ASCC3: variants seen among roughly 807,000 people sequenced by gnomAD.
ASCC3 encodes activating signal cointegrator 1 complex subunit 3.
Under a neutral mutation model 256.3 loss-of-function variants are expected in ASCC3, and 158 were observed. That is an observed-to-expected ratio of 0.62 (90% CI 0.54 to 0.70). The LOEUF (loss-of-function observed/expected upper bound fraction) is 0.70. Among genes scored for constraint, ASCC3 ranks in the 30% least tolerant of loss-of-function variants. The pLI is 0.00. For synonymous variants in ASCC3, 948 were observed against 883.4 expected (o/e 1.07, Z -1.30); for missense variants, 2,259 against 2,626.0 (o/e 0.86, Z 3.05).
At chr6:100,527,270 C>T (rs1003560454) in intron 37 of ASCC3, among the ~76,000 whole-genome samples, 2 of 152,126 alleles carry the variant, frequency 1.3e-5, no homozygotes, top group African/African-American at 2.4e-5. Context: ...TTAGAAGAAG[C>T]TTTCTGAAGC....
At chr6:100,764,485 G>A (rs2115124876) in intron 10 of ASCC3, among the ~76,000 whole-genome samples, 1 of 152,282 alleles carries the variant, frequency 6.6e-6, no homozygotes, top group African/African-American at 2.4e-5. Flanking sequence ...ATATTGAGAA[G>A]CATCTGGGAG....
intron 22 of ASCC3, among the ~76,000 whole-genome samples, chr6:100,646,364 C>T (rs1232425041): frequency 2.0e-5 from 3 of 152,038 alleles, no homozygotes; most frequent in Non-Finnish European, 2.9e-5. Context: ...GGCTGGAGTG[C>T]AGTGGCACAG....
intron 12 of ASCC3, among the ~76,000 whole-genome samples, chr6:100,717,048 G>T (rs1779118367): frequency 6.6e-6 from 1 of 151,832 alleles, no homozygotes; most frequent in African/African-American, 2.4e-5. Flanking sequence ...AGCAGCACTT[G>T]AAACAATTAT....
Position 100,625,300 on chromosome 6 carries a change from C to CA in ASCC3, c.4676dup (p.Leu1559PhefsTer24). 6.2e-7 allele frequency: 1 copy of CA among 1,612,806 alleles called. No individual in the cohort carries two copies. Among genetic ancestry groups the CA allele is most frequent in the South Asian group, 1.1e-5 (1 of 91,044 alleles). ...TTTGACGTCTTGATGAGACAAATAT[C>CA]AAAACAGGTTTGGCTGGAGAATGGC... is the stretch of plus-strand genomic sequence containing the variant. On this transcript the variant is annotated frameshift_variant, in exon 30 of 42. Transcript: ENST00000369162.
intron 13 of ASCC3, among the ~76,000 whole-genome samples, chr6:100,683,350 T>G (rs1777398013): frequency 6.6e-6 from 1 of 152,180 alleles, no homozygotes; most frequent in Non-Finnish European, 1.5e-5. Flanking sequence ...TCAGTCTTAC[T>G]TGTCAACTTT....
chr6:100,686,910 T>C (rs1039747213), intron 13 of ASCC3, among the ~76,000 whole-genome samples: 1 of 152,126 alleles, frequency 6.6e-6, no homozygotes, highest in Non-Finnish European at 1.5e-5. Context: ...TTGCTCCTTT[T>C]TCTGTATTGT....
intron 2 of ASCC3, among the ~76,000 whole-genome samples, chr6:100,866,442 C>T (rs957519015): frequency 1.3e-5 from 2 of 152,208 alleles, no homozygotes; most frequent in African/African-American, 4.8e-5. Context: ...TCATTCATCA[C>T]AGTAGTGAAA....
intron 13 of ASCC3, among the ~76,000 whole-genome samples, chr6:100,710,134 G>T (rs925492595): frequency 6.6e-6 from 1 of 152,130 alleles, no homozygotes; most frequent in Non-Finnish European, 1.5e-5. Context: ...AGATCCAAAA[G>T]TTTGTTAGTA....
At chr6:100,855,032 A>T (rs1428826225) in intron 3 of ASCC3, among the ~76,000 whole-genome samples, 1 of 152,204 alleles carries the variant, frequency 6.6e-6, no homozygotes, top group East Asian at 1.9e-4. Flanking sequence ...TGCAGTTTTA[A>T]ATTTTCTTAT....
At chr6:100,618,275 C>T (rs778315071) in intron 30 of ASCC3, among the ~76,000 whole-genome samples, 1 of 152,170 alleles carries the variant, frequency 6.6e-6, no homozygotes, top group Non-Finnish European at 1.5e-5. Flanking sequence ...TGATGATTCA[C>T]ATTTTGCCCT....
At position 100,590,260 on chromosome 6, in the gene ASCC3, T is replaced by G. The variant is rs1044451707; in HGVS notation, c.5304-201A>C. Among the ~76,000 whole-genome samples the G allele has an allele frequency of 2.6e-5, 4 of 152,212 alleles. No homozygotes were observed. In the East Asian group the frequency reaches 7.7e-4, roughly 29 times the overall value. Reference sequence around the variant, plus strand: ...GCAATTCAGTCAATTATTGTTCCCCTAGTGCTTACAGAATAAATGTCATCC... The same window carrying G: ...GCAATTCAGTCAATTATTGTTCCCCGAGTGCTTACAGAATAAATGTCATCC... On this transcript the variant is annotated intron_variant, in intron 34 of 41. Transcript: ENST00000369162.
intron 30 of ASCC3, among the ~76,000 whole-genome samples, chr6:100,611,031 A>G (rs1773366906): frequency 6.6e-6 from 1 of 152,140 alleles, no homozygotes; most frequent in African/African-American, 2.4e-5. Context: ...AATCATACCC[A>G]AAGAATAATG....
chr6:100,523,892 C>A (rs1774428648), intron 37 of ASCC3, among the ~76,000 whole-genome samples: 1 of 152,064 alleles, frequency 6.6e-6, no homozygotes, highest in Non-Finnish European at 1.5e-5. Flanking sequence ...AAGCTCTGAA[C>A]AGTGAATTAT....
At chr6:100,832,760 TCA>T (rs1242854406) in intron 4 of ASCC3, among the ~76,000 whole-genome samples, 25 of 152,074 alleles carry the variant, frequency 1.6e-4, no homozygotes, top group African/African-American at 5.8e-4. Context: ...AAAAATATTA[TCA>T]ATCCCACAGA....
chr6:100,777,717 A>G (rs1782256688), intron 8 of ASCC3, among the ~76,000 whole-genome samples: 1 of 152,128 alleles, frequency 6.6e-6, no homozygotes, highest in Non-Finnish European at 1.5e-5. Context: ...CCACTAAATC[A>G]GGACTAAGTT....
At chr6:100,754,742 T>A (rs1277506225) in intron 10 of ASCC3, among the ~76,000 whole-genome samples, 1 of 152,176 alleles carries the variant, frequency 6.6e-6, no homozygotes, top group Non-Finnish European at 1.5e-5. Flanking sequence ...CCAAATCTTA[T>A]CTTGAATTGT....
At chr6:100,661,082 C>G (rs1776171795) in intron 16 of ASCC3, among the ~76,000 whole-genome samples, 1 of 151,570 alleles carries the variant, frequency 6.6e-6, no homozygotes, top group Non-Finnish European at 1.5e-5. Flanking sequence ...TATTCATTTA[C>G]TTAATATTTA....
rs1402098214 is a variant in ASCC3, at chr6:100,516,237, T to C, written c.6018A>G (p.Lys2006=). ...LPELIHACGG[K]DHVFSSMVES... The stretch of plus-strand genomic sequence containing the variant: ...CTACCATGGAGCTAAATACATGGTC[T>C]TTCCCTCCACAGGCATGGATCAGTT... Residue 2006 remains lysine (K), a synonymous_variant, in exon 39 of 42, where the codon AAA becomes AAG. Coordinates refer to ENST00000369162, the MANE Select transcript of ASCC3 (RefSeq NM_006828.4). The C allele has an allele frequency of 6.2e-7, 1 of 1,613,776 alleles. No homozygotes were observed. Among genetic ancestry groups the C allele is most frequent in the Admixed American group, 1.7e-5 (1 of 59,998 alleles).
At chr6:100,609,000 G>A (rs1209761035) in intron 30 of ASCC3, among the ~76,000 whole-genome samples, 2 of 150,140 alleles carry the variant, frequency 1.3e-5, no homozygotes, top group Non-Finnish European at 3.0e-5. Context: ...CTGGCCTCGT[G>A]ATCCGCCCGT....
Sources: gnomAD v4.1 joint callset for allele counts (sites outside exome capture counted in the v4.1 genomes callset) on GRCh38, gnomAD v4.1.1 for gene constraint, MANE v1.5 for transcripts, NCBI Gene and HGNC (gene_info 2026-07-23, HGNC 2026-07-21) for gene names.